The following ZNF610 variants were observed in gnomAD, a reference collection of about 807,000 sequenced individuals.
The protein encoded by ZNF610 is zink finger protein.
ZNF610 carries 14 observed loss-of-function variants against 14.1 expected under a neutral mutation model. The observed-to-expected ratio is 0.99, with a 90% confidence interval of 0.65 to 1.55. ZNF610 has a LOEUF of 1.55. Ranked by LOEUF, ZNF610 falls within the 40% of genes most tolerant of loss-of-function variation. The pLI, the probability that ZNF610 is intolerant of heterozygous loss-of-function variation, is 0.00. For missense variants in ZNF610, 530 were observed against 558.0 expected, an observed-to-expected ratio of 0.95 and a Z score of 0.51; for synonymous variants, 185 against 187.6, an observed-to-expected ratio of 0.99 and a Z score of 0.11.
chr19:52,349,047 A>G (rs1568648571), intron 2 of ZNF610, 107 bp from the exon 3 acceptor site: 1 of 732,864 alleles, frequency 1.4e-6, no homozygotes, highest in East Asian at 2.7e-5. Flanking sequence ...AGTGGGCAAC[A>G]GAGGACATCT....
At position 52,359,888 on chromosome 19, in the gene ZNF610, C is replaced by T. The variant is rs529362338; in HGVS notation, c.319+5509C>T. Among the ~76,000 whole-genome samples, 4 of 152,154 alleles carry T rather than the reference C, an allele frequency of 2.6e-5. No homozygotes were observed. In the South Asian group the frequency reaches 6.2e-4, roughly 24 times the overall value. ...GGTTTCTGTGGCCCCTCTTTGGGCT[C>T]GATAAAGTTTCTGGATTGTCTCACA... On this transcript the variant is annotated intron_variant, in intron 5 of 5. Transcript: ENST00000403906.
intron 5 of ZNF610, among the ~76,000 whole-genome samples, chr19:52,354,844 C>T (rs1985452568): frequency 6.6e-6 from 1 of 151,862 alleles, no homozygotes; most frequent in Non-Finnish European, 1.5e-5. Flanking sequence ...CTCCCAAAGT[C>T]CTGGGATTAC....
chr19:52,335,511 G>C (rs1287726212), upstream of ZNF610, among the ~76,000 whole-genome samples: 4 of 152,160 alleles, frequency 2.6e-5, no homozygotes, highest in Non-Finnish European at 4.4e-5. Flanking sequence ...ACTCTCTAGA[G>C]ATGAGCACTC....
intron 5 of ZNF610, among the ~76,000 whole-genome samples, chr19:52,360,584 T>C (rs1985729158): frequency 6.6e-6 from 1 of 152,258 alleles, no homozygotes; most frequent in Non-Finnish European, 1.5e-5. Flanking sequence ...AGATTCCTCG[T>C]ATTCCTAATG....
intron 5 of ZNF610, among the ~76,000 whole-genome samples, chr19:52,358,755 G>T: frequency 6.6e-6 from 1 of 152,122 alleles, no homozygotes; most frequent in Middle Eastern, 3.2e-3. Flanking sequence ...CTTTCCACCT[G>T]ATTTTTTCTA....
upstream of ZNF610, among the ~76,000 whole-genome samples, chr19:52,331,629 C>G (rs959020991): frequency 6.6e-6 from 1 of 152,196 alleles, no homozygotes; most frequent in Non-Finnish European, 1.5e-5. Context: ...TGCTGAGGGA[C>G]ATGTCTCCCT....
chr19:52,340,338 G>A (rs58276474), intron 1 of ZNF610, among the ~76,000 whole-genome samples: 1,590 of 152,234 alleles, frequency 0.01, 34 homozygotes, highest in African/African-American at 0.037. Flanking sequence ...AGCTAAGACC[G>A]CGCCACTGCA....
chr19:52,344,488 T>G (rs1202911909), intron 1 of ZNF610, among the ~76,000 whole-genome samples: 1 of 152,184 alleles, frequency 6.6e-6, no homozygotes, highest in Non-Finnish European at 1.5e-5. Flanking sequence ...CTGTGCTGGC[T>G]CAACCCCTCT....
upstream of ZNF610, among the ~76,000 whole-genome samples, chr19:52,335,640 G>A (rs765426575): frequency 2.6e-5 from 4 of 151,996 alleles, no homozygotes; most frequent in Non-Finnish European, 5.9e-5. Flanking sequence ...AACACTAGAC[G>A]GGCTTAACCT....
rs1461371118 is a variant in ZNF610, at chr19:52,353,709, A to T, written c.91A>T (p.Ile31Phe). Reference sequence around the variant, plus strand: ...ACGCTTGACATTCATGGACGTGGCCATCGAATTCTCTCAGGAGGAGTGGAA... The same window carrying T: ...ACGCTTGACATTCATGGACGTGGCCTTCGAATTCTCTCAGGAGGAGTGGAA... ...QGRLTFMDVA[I>F]EFSQEEWKSL... The change falls in exon 4 of 6, where the codon ATC becomes TTC. Residue 31 changes from isoleucine (I) to phenylalanine (F), a missense_variant. Ile to Phe is a conservative substitution (Grantham distance 21). Transcript: ENST00000403906. 4 of 1,613,928 alleles carry T rather than the reference A, an allele frequency of 2.5e-6. No individual in the cohort carries two copies. The highest frequency in any genetic ancestry group is 3.4e-6 in the Non-Finnish European group (4 of 1,179,908).
At chr19:52,331,957 A>G (rs321930), upstream of ZNF610, among the ~76,000 whole-genome samples, 34,823 of 152,206 alleles carry the variant, frequency 0.23, 4,972 homozygotes, top group African/African-American at 0.4. Context: ...TGGCATCACG[A>G]AGTGGCACCC....
chr19:52,355,861 G>A (rs1311271822), intron 5 of ZNF610, among the ~76,000 whole-genome samples: 4 of 152,320 alleles, frequency 2.6e-5, no homozygotes, highest in African/African-American at 7.2e-5. Context: ...TGGGTGTGCC[G>A]CCCTCCAGGC....
Position 52,365,645 on chromosome 19 carries a change from C to T in ZNF610, c.320-53C>T, listed in dbSNP as rs145999561. On this transcript the variant is annotated intron_variant, in intron 5 of 5. Coordinates refer to ENST00000403906, the MANE Select transcript of ZNF610 (RefSeq NM_001161425.2). ...GGCTGATTCTGGTCCCTCCACCAGA[C>T]GGTAAACATGCCAGAATCATGGGTT... 7.0e-5 allele frequency: 104 copies of T among 1,486,644 alleles called. No individual in the cohort carries two copies. In the East Asian group the frequency reaches 9.5e-4, roughly 14 times the overall value. 92.1% of individuals were successfully genotyped at this position (1,486,644 alleles called of 1,614,324 possible).
chr19:52,353,153 T>C (rs957584185), intron 3 of ZNF610, among the ~76,000 whole-genome samples: 2 of 152,210 alleles, frequency 1.3e-5, no homozygotes, highest in Non-Finnish European at 1.5e-5. Context: ...TTGGCCAGGC[T>C]CGTCTCAAAC....
intron 3 of ZNF610, among the ~76,000 whole-genome samples, 198 bp downstream of exon 3, chr19:52,349,433 C>A (rs1985137384): frequency 6.6e-6 from 1 of 151,964 alleles, no homozygotes; most frequent in South Asian, 2.1e-4. Context: ...AGGGCTCACA[C>A]CCAGACATGG....
intron 5 of ZNF610, among the ~76,000 whole-genome samples, chr19:52,361,472 C>T (rs534116354): frequency 3.9e-5 from 6 of 152,152 alleles, no homozygotes; most frequent in South Asian, 2.1e-4. Flanking sequence ...CCACTGCGCC[C>T]GGCCACAATC....
rs532169718 is a variant in ZNF610 at position 52,336,823 on chromosome 19, G to A, written c.-258+317G>A. 1.7e-4 allele frequency among the ~76,000 whole-genome samples: 26 copies of A among 152,266 alleles called. No homozygotes were observed. In the East Asian group the frequency reaches 4.6e-3, roughly 27 times the overall value. On this transcript the variant is annotated intron_variant, in intron 1 of 5. Coordinates refer to ENST00000403906, the MANE Select transcript of ZNF610 (RefSeq NM_001161425.2). ...CGCTACTCCCGACCCCCGGGTGTGG[G>A]GACGTGACTTCTTCTGTCTTAGGAC...
upstream of ZNF610, among the ~76,000 whole-genome samples, chr19:52,335,059 C>G (rs1984311201): frequency 1.7e-5 from 1 of 59,290 alleles, no homozygotes; most frequent in African/African-American, 1.2e-4. Flanking sequence ...ACTTTGGGGG[C>G]CGGGGCGTGG....
intron 3 of ZNF610, 21 bp downstream of exon 3, chr19:52,349,256 G>C (rs1222830711): frequency 6.2e-7 from 1 of 1,608,058 alleles, no homozygotes; most frequent in Non-Finnish European, 8.5e-7. Context: ...ATTCTCGGTG[G>C]TTGGTTCTCT....
Sources: gnomAD v4.1 joint callset for allele counts (sites outside exome capture counted in the v4.1 genomes callset) on GRCh38, gnomAD v4.1.1 for gene constraint, MANE v1.5 for transcripts, NCBI Gene and HGNC (gene_info 2026-07-23, HGNC 2026-07-21) for gene names.